Variants in ZNF17 observed in about 807,000 individuals in gnomAD.
The protein encoded by ZNF17 is zinc finger protein 17.
In ZNF17, 4 loss-of-function variants were observed where a neutral mutation model predicts 7.7. The observed-to-expected ratio is 0.52, with a 90% CI of 0.26 to 1.20. ZNF17 has a LOEUF of 1.20. ZNF17 is among the 50% of genes most tolerant of loss of function. The pLI, the probability that ZNF17 is intolerant of heterozygous loss-of-function variation, is 0.14. For synonymous variants in ZNF17, 249 were observed against 258.8 expected (o/e 0.96, Z 0.36); for missense variants, 738 against 799.5 (o/e 0.92, Z 0.93).
At chr19:57,418,080 T>A in intron 3 of ZNF17, 42 bp downstream of exon 3, 1 of 1,583,966 alleles carries the variant, frequency 6.3e-7, no homozygotes, top group Non-Finnish European at 8.6e-7. Flanking sequence ...TGCTGGGCAA[T>A]GTTTTTTCAC....
At chr19:57,413,856 T>G (rs2088794136) in intron 2 of ZNF17, among the ~76,000 whole-genome samples, 1 of 152,142 alleles carries the variant, frequency 6.6e-6, no homozygotes, top group Admixed American at 6.5e-5. Flanking sequence ...GCAAGGCATC[T>G]CAAACACAGG....
At chr19:57,413,721 TC>T in intron 2 of ZNF17, 85 bp downstream of exon 2, 28 of 1,484,824 alleles carry the variant, frequency 1.9e-5, no homozygotes, top group Non-Finnish European at 2.5e-5. Flanking sequence ...CTGAGACTGT[TC>T]ACCTTTTCTT....
chr19:57,414,680 G>T (rs1337299412), intron 2 of ZNF17, among the ~76,000 whole-genome samples: 1 of 150,544 alleles, frequency 6.6e-6, no homozygotes, highest in Admixed American at 6.6e-5. Context: ...GGGAAGGTTT[G>T]AGAAAGAAAA....
intron 2 of ZNF17, 50 bp downstream of exon 2, chr19:57,413,686 T>A: frequency 6.5e-7 from 1 of 1,530,816 alleles, no homozygotes; most frequent in Middle Eastern, 1.7e-4. Flanking sequence ...GGTTTCAGCA[T>A]GCTGATATAG....
At chr19:57,413,074 C>T (rs187622881) in intron 1 of ZNF17, among the ~76,000 whole-genome samples, 1 of 151,718 alleles carries the variant, frequency 6.6e-6, no homozygotes, top group East Asian at 2.0e-4. Context: ...GACAGGGTTT[C>T]ACCATGGTTG....
Position 57,421,124 on chromosome 19 carries a change from T to C in ZNF17, c.1638T>C (p.His546=). ...GGCACAACTCAAATCATATTAGACA[T>C]CGGAGAAATCACTTTGGAGAAAGGT... is the stretch of plus-strand genomic sequence containing the variant. ...FFRHNSNHIR[H]RRNHFGERSF... Residue 546 remains histidine (H), a synonymous_variant, in exon 4 of 4, where the codon CAT becomes CAC. Transcript: ENST00000307658. 6.2e-7 allele frequency: 1 copy of C among 1,613,842 alleles called. No individual in the cohort carries two copies. Among genetic ancestry groups the C allele is most frequent in the Non-Finnish European group, 8.5e-7 (1 of 1,179,700 alleles).
Position 57,420,349 on chromosome 19 carries a change from A to C in ZNF17, c.863A>C (p.Lys288Thr), listed in dbSNP as rs1234782099. The C allele has an allele frequency of 6.2e-7, 1 of 1,612,894 alleles. No homozygotes were observed. The highest frequency in any genetic ancestry group is 1.1e-5 in the South Asian group (1 of 90,986). ...GAATGTGGGAAAGCTTTTCTTAGAA[A>C]GTCTCACCTACTTCAGCACCAGAGG... ...CSECGKAFLR[K>T]SHLLQHQRIH... Residue 288 changes from lysine to threonine, a missense_variant, in exon 4 of 4, where the codon AAG becomes ACG. Transcript: ENST00000307658.
At chr19:57,415,800 T>C (rs2088807863) in intron 2 of ZNF17, among the ~76,000 whole-genome samples, 1 of 152,098 alleles carries the variant, frequency 6.6e-6, no homozygotes, top group South Asian at 2.1e-4. Flanking sequence ...GAGATGATAG[T>C]GAGGTCTGGG....
rs2088850538 is a variant in ZNF17 at position 57,421,336 on chromosome 19, G to A, written c.1850G>A (p.Cys617Tyr). Residue 617 changes from cysteine (C) to tyrosine (Y), a missense_variant, in exon 4 of 4, where the codon TGT (cysteine) becomes TAT (tyrosine). This residue lies in a region of ZNF17 where 116 missense variants were observed against 114.0 expected (regional missense o/e 1.02). Coordinates refer to ENST00000307658, the MANE Select transcript of ZNF17 (RefSeq NM_001330617.2). ...TGEKPYECSE[C>Y]GKVFRYNSSL... ...GAAAAGCCTTATGAGTGCAGTGAAT[G>A]TGGGAAAGTCTTTAGATACAACTCC... The A allele has an allele frequency of 1.9e-6, 3 of 1,614,186 alleles. No individual in the cohort carries two copies. Among genetic ancestry groups the A allele is most frequent in the Non-Finnish European group, 2.5e-6 (3 of 1,180,028 alleles).
chr19:57,413,120 G>A (rs1314619573), intron 1 of ZNF17, among the ~76,000 whole-genome samples: 1 of 151,700 alleles, frequency 6.6e-6, no homozygotes, highest in Admixed American at 6.6e-5. Flanking sequence ...CTCGTGATCC[G>A]CCCACCTCGG....
At chr19:57,413,381 G>A (rs775148485) in intron 1 of ZNF17, 7 of 550,858 alleles carry the variant, frequency 1.3e-5, no homozygotes, top group Non-Finnish European at 6.6e-6. Flanking sequence ...GCCCATATAA[G>A]CCCTATTAGT....
Position 57,411,273 on chromosome 19 carries a change from A to C in ZNF17, c.-154A>C. ...ACGCGAGAAAAGGTTTCCCCGTTGTACAGAGGCTAGAGTGAGGCTCGGTTG... is the reference window on the plus strand; with the variant it reads ...ACGCGAGAAAAGGTTTCCCCGTTGTCCAGAGGCTAGAGTGAGGCTCGGTTG... On this transcript the variant is annotated 5_prime_UTR_variant, in exon 1 of 4. Coordinates refer to ENST00000307658, the MANE Select transcript of ZNF17 (RefSeq NM_001330617.2). 7.1e-7 allele frequency: 1 copy of C among 1,416,918 alleles called. No homozygotes were observed. Among genetic ancestry groups the C allele is most frequent in the Non-Finnish European group, 9.6e-7 (1 of 1,043,716 alleles). 87.8% of individuals were successfully genotyped at this position (1,416,918 alleles called of 1,614,324 possible). A position where few individuals can be genotyped will look rare whatever the true frequency, so the allele number is the denominator to read the frequency against.
intron 1 of ZNF17, 165 bp from the exon 2 acceptor site, chr19:57,413,431 C>T (rs900541144): frequency 1.6e-6 from 1 of 642,448 alleles, no homozygotes; most frequent in East Asian, 2.7e-5. Context: ...ATAAGGGCAC[C>T]GAGACTTAAG....
At chr19:57,415,143 G>A (rs531337145) in intron 2 of ZNF17, among the ~76,000 whole-genome samples, 1 of 152,172 alleles carries the variant, frequency 6.6e-6, no homozygotes, top group African/African-American at 2.4e-5. Context: ...GGCTGGACAC[G>A]AGTGGCGGCT....
At chr19:57,411,821 A>G (rs764937784) in intron 1 of ZNF17, among the ~76,000 whole-genome samples, 8 of 152,222 alleles carry the variant, frequency 5.3e-5, no homozygotes, top group Non-Finnish European at 1.0e-4. Flanking sequence ...GGGATGGGCC[A>G]GAGGGGTTGC....
At chr19:57,419,493 G>A in intron 3 of ZNF17, 142 bp from the exon 4 acceptor site, 1 of 878,114 alleles carries the variant, frequency 1.1e-6, no homozygotes, top group Non-Finnish European at 1.7e-6. Context: ...TGCCCAGTAG[G>A]CTTTCCTCTC....
intron 2 of ZNF17, 31 bp downstream of exon 2, chr19:57,413,667 A>G: frequency 2.0e-6 from 3 of 1,535,898 alleles, no homozygotes; most frequent in Non-Finnish European, 1.7e-6. Context: ...GCTTTCACCC[A>G]TCCCAGATGG....
At chr19:57,411,777 G>A (rs1334329253) in intron 1 of ZNF17, 2 of 791,580 alleles carry the variant, frequency 2.5e-6, no homozygotes, top group African/African-American at 3.6e-5. Flanking sequence ...ACCAGGACAA[G>A]GGGACCGCTG....
At chr19:57,419,533 A>G in intron 3 of ZNF17, 102 bp from the exon 4 acceptor site, 1 of 1,291,538 alleles carries the variant, frequency 7.7e-7, no homozygotes. Flanking sequence ...GCCTGTCACC[A>G]ATCCCATGGT....
Sources: allele counts gnomAD v4.1 joint callset (sites outside exome capture counted in the v4.1 genomes callset), GRCh38; gene constraint gnomAD v4.1.1; regional missense constraint gnomAD v4.1.1; transcripts MANE v1.5; gene names NCBI Gene and HGNC (gene_info 2026-07-23, HGNC 2026-07-21).